Variants in ADGRG6 observed in about 807,000 individuals in gnomAD.
The protein encoded by ADGRG6 is adhesion G protein-coupled receptor G6.
A neutral mutation model predicts 142.4 loss-of-function variants in ADGRG6; 84 were observed. That is an observed-to-expected ratio of 0.59 (90% confidence interval 0.49 to 0.71). The LOEUF is 0.71. Ranked by LOEUF, ADGRG6 falls within the 30% of genes least tolerant of loss-of-function variation. The pLI is 0.00. For synonymous variants in ADGRG6, 521 were observed against 520.5 expected (o/e 1.00, Z -0.01); for missense variants, 1,367 against 1,466.6 (o/e 0.93, Z 1.11).
intron 2 of ADGRG6, among the ~76,000 whole-genome samples, chr6:142,342,625 GGCTGACAGT>G (rs1327763337): frequency 6.6e-6 from 1 of 151,956 alleles, no homozygotes; most frequent in Non-Finnish European, 1.5e-5. Flanking sequence ...TAAGCCACGA[GGCTGACAGT>G]AGCATTCCAA....
intron 22 of ADGRG6, among the ~76,000 whole-genome samples, chr6:142,433,253 T>G (rs1021375333): frequency 2.0e-5 from 3 of 152,190 alleles, no homozygotes; most frequent in Non-Finnish European, 2.9e-5. Context: ...TCTATTTACC[T>G]TACCTCAGGC....
intron 11 of ADGRG6, among the ~76,000 whole-genome samples, chr6:142,401,601 C>T (rs1167858750): frequency 6.6e-6 from 1 of 152,006 alleles, no homozygotes; most frequent in Non-Finnish European, 1.5e-5. Flanking sequence ...AAGTTATTAA[C>T]TAATCTTTTC....
chr6:142,332,313 T>C (rs572743450), intron 2 of ADGRG6, among the ~76,000 whole-genome samples: 10 of 152,320 alleles, frequency 6.6e-5, no homozygotes, highest in African/African-American at 2.2e-4. Flanking sequence ...TAGTGATACC[T>C]CTTCTAATTT....
chr6:142,320,997 T>C (rs1041354793), intron 2 of ADGRG6, among the ~76,000 whole-genome samples: 1 of 151,970 alleles, frequency 6.6e-6, no homozygotes, highest in African/African-American at 2.4e-5. Flanking sequence ...AAAATAGTTA[T>C]AATAATTAAA....
rs372252228 is a variant in ADGRG6, at chr6:142,370,996, T to C, written c.1069+203T>C. 5,775 of 562,588 alleles carry C rather than the reference T, an allele frequency of 0.01. 385 individuals carry two copies. In the South Asian group the frequency reaches 0.11, roughly 11 times the overall value. 34.8% of individuals were successfully genotyped at this position (562,588 alleles called of 1,614,324 possible). ...AGCTCTTATAGCACACATTTGATTA[T>C]AAGCCATGCATGCTCCATCAAGACA... On this transcript the variant is annotated intron_variant, in intron 4 of 24. Transcript: ENST00000367609.
chr6:142,356,118 C>T lies in ADGRG6; in HGVS notation c.104-11451C>T, dbSNP rs1780429955. ...ACATTTTGGCAATGATGTGGCAAACCGAAATTCAACCTTGCTTTTCAATAG... is the reference window on the plus strand; with the variant it reads ...ACATTTTGGCAATGATGTGGCAAACTGAAATTCAACCTTGCTTTTCAATAG... On this transcript the variant is annotated intron_variant, in intron 2 of 24. Coordinates refer to ENST00000367609, the MANE Select transcript of ADGRG6 (RefSeq NM_198569.3). 5.9e-5 allele frequency among the ~76,000 whole-genome samples: 9 copies of T among 152,126 alleles called. No homozygotes were observed. In the South Asian group the frequency reaches 1.7e-3, roughly 28 times the overall value.
In ADGRG6 at chr6:142,370,186, G is replaced by T. The variant is rs1467464723; in HGVS notation, c.462G>T (p.Arg154Ser). 1.2e-6 allele frequency: 2 copies of T among 1,601,492 alleles called. No homozygotes were observed. The highest frequency in any genetic ancestry group is 1.7e-6 in the Non-Finnish European group (2 of 1,169,704). ...ASYIRVAVSLRNQKVILPQTS... is the reference protein window; with the variant it reads ...ASYIRVAVSLSNQKVILPQTS... ...TTGTCCTAGTTGCCGTGTCCTTAAG[G>T]AATCAAAAGGTCATTTTACCCCAGA... The change falls in exon 4 of 25, where the codon AGG (arginine) becomes AGT (serine). Residue 154 changes from arginine to serine, a missense_variant. Physicochemically the swap from Arg to Ser is moderately radical, Grantham distance 110 (BLOSUM62 -1). Coordinates refer to ENST00000367609, the MANE Select transcript of ADGRG6 (RefSeq NM_198569.3).
At chr6:142,361,653 A>T (rs529348179) in intron 2 of ADGRG6, among the ~76,000 whole-genome samples, 1 of 152,276 alleles carries the variant, frequency 6.6e-6, no homozygotes, top group African/African-American at 2.4e-5. Context: ...AGGCCTATGG[A>T]TTCATGAGCA....
At chr6:142,322,425 C>T (rs887986439) in intron 2 of ADGRG6, among the ~76,000 whole-genome samples, 2 of 151,684 alleles carry the variant, frequency 1.3e-5, no homozygotes, top group Non-Finnish European at 2.9e-5. Flanking sequence ...TTATTTGGGT[C>T]GGAGGAAGAG....
chr6:142,354,679 A>G (rs918989583), intron 2 of ADGRG6, among the ~76,000 whole-genome samples: 1 of 152,226 alleles, frequency 6.6e-6, no homozygotes, highest in Non-Finnish European at 1.5e-5. Flanking sequence ...TGAGATCCCT[A>G]AAAGGGACGT....
intron 22 of ADGRG6, among the ~76,000 whole-genome samples, chr6:142,428,249 T>C (rs1223702735): frequency 6.6e-6 from 1 of 152,148 alleles, no homozygotes; most frequent in African/African-American, 2.4e-5. Flanking sequence ...GTATGTTTTA[T>C]ATTTTTATTT....
chr6:142,427,855 G>A (rs1777025467), intron 22 of ADGRG6, among the ~76,000 whole-genome samples: 1 of 152,142 alleles, frequency 6.6e-6, no homozygotes, highest in Admixed American at 6.5e-5. Context: ...GGTCTTGTGA[G>A]ACTCATTCAC....
intron 2 of ADGRG6, among the ~76,000 whole-genome samples, chr6:142,341,403 ATATAT>A (rs1165700245): frequency 2.4e-5 from 3 of 123,584 alleles, no homozygotes; most frequent in East Asian, 2.1e-4. Flanking sequence ...ATATTATATA[ATATAT>A]TATATAATAT....
In ADGRG6 at chr6:142,370,640, G is replaced by T. The variant is rs201497641; in HGVS notation, c.916G>T (p.Asp306Tyr). The change falls in exon 4 of 25, where the codon GAC becomes TAC. Residue 306 changes from aspartate (D) to tyrosine (Y), a missense_variant. Around this residue, in one of 3 missense-constraint regions of ADGRG6, gnomAD observed 737 missense variants for 746.5 expected, o/e 0.99. Coordinates refer to ENST00000367609, the MANE Select transcript of ADGRG6 (RefSeq NM_198569.3). ...AAATGAAATTGTCTCTCTAAAAGGG[G>T]ACATTTATAACTTTCGACTTTGGAA... ...NQNEIVSLKGDIYNFRLWNFT... is the reference protein window; with the variant it reads ...NQNEIVSLKGYIYNFRLWNFT... 502 of 1,613,578 alleles carry T rather than the reference G, an allele frequency of 3.1e-4. 3 individuals carry two copies. The highest frequency in any genetic ancestry group is 3.3e-4 in the Middle Eastern group (2 of 6,084).
chr6:142,424,996 A>T (rs115741062), intron 22 of ADGRG6, among the ~76,000 whole-genome samples: 3,299 of 152,260 alleles, frequency 0.022, 106 homozygotes, highest in African/African-American at 0.074. Flanking sequence ...TGTGCAAAAA[A>T]TTTGCTATAG....
intron 2 of ADGRG6, among the ~76,000 whole-genome samples, chr6:142,349,024 C>T (rs1282437491): frequency 1.3e-5 from 2 of 152,308 alleles, no homozygotes; most frequent in Non-Finnish European, 2.9e-5. Flanking sequence ...CATTTTAAAG[C>T]ATTAATGCTG....
intron 9 of ADGRG6, among the ~76,000 whole-genome samples, 156 bp downstream of exon 9, chr6:142,394,114 G>T (rs891643048): frequency 6.6e-6 from 1 of 152,090 alleles, no homozygotes; most frequent in Admixed American, 6.5e-5. Flanking sequence ...TTTTCTTGTA[G>T]TTAAAACTGT....
intron 4 of ADGRG6, chr6:142,371,004 G>T (rs915388713): frequency 1.5e-5 from 8 of 523,868 alleles, no homozygotes; most frequent in South Asian, 1.0e-4. Flanking sequence ...TATAAGCCAT[G>T]CATGCTCCAT....
chr6:142,312,959 A>G (rs964215747), intron 2 of ADGRG6, among the ~76,000 whole-genome samples: 3 of 152,084 alleles, frequency 2.0e-5, no homozygotes, highest in African/African-American at 7.2e-5. Context: ...ACTGTGGCTC[A>G]CACCTGTAAT....
Sources: allele counts gnomAD v4.1 joint callset (sites outside exome capture counted in the v4.1 genomes callset), GRCh38; gene constraint gnomAD v4.1.1; regional missense constraint gnomAD v4.1.1; transcripts MANE v1.5; gene names NCBI Gene and HGNC (gene_info 2026-07-23, HGNC 2026-07-21).